CDKAL1: variants seen among roughly 807,000 people sequenced by gnomAD.
CDKAL1 encodes the protein CDKAL1 threonylcarbamoyladenosine tRNA methylthiotransferase.
A neutral mutation model predicts 68.2 loss-of-function variants in CDKAL1; 32 were observed. The observed-to-expected ratio is 0.47, with a 90% confidence interval of 0.35 to 0.63. The LOEUF (loss-of-function observed/expected upper bound fraction) is 0.63. CDKAL1 is among the 30% of genes least tolerant of loss of function. CDKAL1 has a pLI of 0.00. For missense variants in CDKAL1, 606 were observed against 696.7 expected (o/e 0.87, Z 1.47); for synonymous variants, 234 against 244.3 (o/e 0.96, Z 0.39).
intron 12 of CDKAL1, among the ~76,000 whole-genome samples, chr6:21,081,240 A>AC (rs1772383888): frequency 6.6e-6 from 1 of 152,186 alleles, no homozygotes; most frequent in African/African-American, 2.4e-5. Context: ...GTTTTCTCTC[A>AC]CATGCTGAAA....
intron 9 of CDKAL1, among the ~76,000 whole-genome samples, chr6:20,926,549 T>C (rs1763197492): frequency 1.3e-5 from 2 of 152,014 alleles, no homozygotes; most frequent in Admixed American, 1.3e-4. Context: ...TGCATATTCA[T>C]GAGAATGGAA....
chr6:20,788,761 CTAT>C (rs1348338211), intron 8 of CDKAL1, among the ~76,000 whole-genome samples: 1 of 152,098 alleles, frequency 6.6e-6, no homozygotes, highest in African/African-American at 2.4e-5. Flanking sequence ...TTTATTCTTT[CTAT>C]TATTTAGGTA....
intron 10 of CDKAL1, among the ~76,000 whole-genome samples, chr6:20,973,441 T>C (rs988885295): frequency 1.3e-5 from 2 of 152,056 alleles, no homozygotes; most frequent in Non-Finnish European, 2.9e-5. Flanking sequence ...GTAGGACCCA[T>C]GGGGAAATGT....
At chr6:21,200,155 G>GA (rs1274873649) in intron 14 of CDKAL1, among the ~76,000 whole-genome samples, 1 of 152,232 alleles carries the variant, frequency 6.6e-6, no homozygotes. Context: ...TGCTAAAATA[G>GA]AAGTGTAAGG....
chr6:20,956,949 C>G (rs2150729714), intron 10 of CDKAL1, among the ~76,000 whole-genome samples: 1 of 140,208 alleles, frequency 7.1e-6, no homozygotes, highest in Non-Finnish European at 1.5e-5. Flanking sequence ...AAGTTGCAGG[C>G]ATGTCAACTT....
intron 10 of CDKAL1, among the ~76,000 whole-genome samples, chr6:20,977,407 T>C (rs1172815139): frequency 6.6e-6 from 1 of 152,218 alleles, no homozygotes; most frequent in African/African-American, 2.4e-5. Context: ...TCTTAACATC[T>C]GAAGACCTTG....
At chr6:20,996,465 T>G (rs1767114244) in intron 10 of CDKAL1, among the ~76,000 whole-genome samples, 1 of 152,194 alleles carries the variant, frequency 6.6e-6, no homozygotes, top group Admixed American at 6.5e-5. Context: ...CTTCGTCAGG[T>G]TATTAATTGG....
intron 4 of CDKAL1, among the ~76,000 whole-genome samples, chr6:20,618,905 C>T (rs1767052960): frequency 6.6e-6 from 1 of 152,124 alleles, no homozygotes. Flanking sequence ...TCTTGAACTC[C>T]TGAGCTCAAG....
chr6:20,810,445 C>CACAT (rs1259567599), intron 8 of CDKAL1, among the ~76,000 whole-genome samples: 1 of 126,854 alleles, frequency 7.9e-6, no homozygotes, highest in Non-Finnish European at 1.6e-5. Context: ...CACACACACA[C>CACAT]GTGGTGTCAT....
rs1017427264 is a variant in CDKAL1, at chr6:20,689,639, A to G, written c.371+40262A>G. Among the ~76,000 whole-genome samples the G allele has an allele frequency of 3.9e-5, 6 of 152,294 alleles. No individual in the cohort carries two copies. In the East Asian group the frequency reaches 7.7e-4, roughly 20 times the overall value. On this transcript the variant is annotated intron_variant, in intron 5 of 15. Coordinates refer to ENST00000274695, the MANE Select transcript of CDKAL1 (RefSeq NM_017774.3). ...CTGTAATGTTCATTTCATGAGTATT[A>G]TATATAATTTCCACCTAGAGGTAAA...
At chr6:20,534,748 G>A (rs1428253268) in intron 1 of CDKAL1, among the ~76,000 whole-genome samples, 174 bp downstream of exon 1, 1 of 152,180 alleles carries the variant, frequency 6.6e-6, no homozygotes, top group Non-Finnish European at 1.5e-5. Flanking sequence ...GGGCTTCCAG[G>A]AGCGAGGATA....
chr6:21,202,875 C>A (rs1778746421), intron 15 of CDKAL1, among the ~76,000 whole-genome samples: 1 of 152,264 alleles, frequency 6.6e-6, no homozygotes, highest in Non-Finnish European at 1.5e-5. Flanking sequence ...TCAGTTCTAC[C>A]ACCAGCCCAG....
chr6:20,962,222 C>T (rs930989860), intron 10 of CDKAL1, among the ~76,000 whole-genome samples: 2 of 152,156 alleles, frequency 1.3e-5, no homozygotes, highest in African/African-American at 2.4e-5. Flanking sequence ...TTTTATTTAG[C>T]TTGAATTAAA....
At chr6:21,122,986 A>G (rs963282120) in intron 13 of CDKAL1, among the ~76,000 whole-genome samples, 11 of 151,918 alleles carry the variant, frequency 7.2e-5, no homozygotes, top group African/African-American at 2.4e-4. Flanking sequence ...GAAATACATT[A>G]TGTGTTTTTA....
At chr6:20,754,140 C>T (rs1254156117) in intron 6 of CDKAL1, among the ~76,000 whole-genome samples, 1 of 152,070 alleles carries the variant, frequency 6.6e-6, no homozygotes, top group Non-Finnish European at 1.5e-5. Context: ...CCACTGTGCC[C>T]AGCTAATTTT....
intron 11 of CDKAL1, among the ~76,000 whole-genome samples, chr6:21,057,606 G>A (rs1770906209): frequency 6.6e-6 from 1 of 151,834 alleles, no homozygotes; most frequent in Non-Finnish European, 1.5e-5. Context: ...TTTTAGTTGT[G>A]ATGTTAAGAT....
rs559226471 is a variant in CDKAL1, at chr6:20,991,081, T to C, written c.910-9146T>C. On this transcript the variant is annotated intron_variant, in intron 10 of 15. Coordinates refer to ENST00000274695, the MANE Select transcript of CDKAL1 (RefSeq NM_017774.3). ...CTAATACAAATCTATACATTGTGCTTTGGCATTGAGAGTAGAGCTATCAAC... is the reference window on the plus strand; with the variant it reads ...CTAATACAAATCTATACATTGTGCTCTGGCATTGAGAGTAGAGCTATCAAC... Among the ~76,000 whole-genome samples the C allele has an allele frequency of 2.6e-5, 4 of 152,370 alleles. No individual in the cohort carries two copies. The South Asian group carries it at 8.3e-4, about 32-fold the overall frequency.
At chr6:21,124,606 C>G (rs13191830) in intron 13 of CDKAL1, among the ~76,000 whole-genome samples, 2 of 151,672 alleles carry the variant, frequency 1.3e-5, no homozygotes, top group Admixed American at 6.6e-5. Context: ...TTTCCCAGAT[C>G]TATACCTGTA....
rs574486938 is a variant in CDKAL1 at position 20,890,486 on chromosome 6, A to G, written c.742+44308A>G. ...TAAATAATTCCATGTATTTTCAGAA[A>G]AGAAAAAACGTTTATAAAATCACAT... On this transcript the variant is annotated intron_variant, in intron 9 of 15. Coordinates refer to ENST00000274695, the MANE Select transcript of CDKAL1 (RefSeq NM_017774.3). Among the ~76,000 whole-genome samples, 6 of 152,348 alleles carry G rather than the reference A, an allele frequency of 3.9e-5. No homozygotes were observed. The East Asian group carries it at 1.2e-3, about 29-fold the overall frequency.
Sources: gnomAD v4.1 joint callset for allele counts (sites outside exome capture counted in the v4.1 genomes callset) on GRCh38, gnomAD v4.1.1 for gene constraint, MANE v1.5 for transcripts, NCBI Gene and HGNC (gene_info 2026-07-23, HGNC 2026-07-21) for gene names.